Variants in EPB41 observed in about 807,000 individuals in gnomAD.
The protein encoded by EPB41 is erythrocyte membrane protein band 4.1, also known as protein 4.1.
A neutral mutation model predicts 108.0 loss-of-function variants in EPB41; 65 were observed. The observed-to-expected ratio is 0.60, with a 90% CI of 0.49 to 0.74. The LOEUF is 0.74. EPB41 is among the 30% of genes least tolerant of loss of function. The pLI, the probability that EPB41 is intolerant of heterozygous loss-of-function variation, is 0.00. For missense variants in EPB41, 875 were observed against 1,037.0 expected (o/e 0.84, Z 2.15); for synonymous variants, 336 against 358.9 (o/e 0.94, Z 0.72).
intron 12 of EPB41, 77 bp downstream of exon 12, chr1:29,053,389 C>T (rs752281272): frequency 1.6e-5 from 24 of 1,470,114 alleles, no homozygotes; most frequent in Non-Finnish European, 2.2e-5. Flanking sequence ...GGAACGTTTT[C>T]AAAGCAATTG....
At chr1:28,913,585 G>C (rs1407808283), upstream of EPB41, among the ~76,000 whole-genome samples, 3 of 152,210 alleles carry the variant, frequency 2.0e-5, no homozygotes, top group Non-Finnish European at 4.4e-5. Context: ...TGTCTAGCTG[G>C]CATCTACAGA....
chr1:28,958,830 A>AG (rs963978503), intron 1 of EPB41, among the ~76,000 whole-genome samples: 1 of 151,864 alleles, frequency 6.6e-6, no homozygotes, highest in African/African-American at 2.4e-5. Context: ...AAAAAAAAAA[A>AG]AAAAAAAAAA....
chr1:29,092,090 CTTCTTTTTTTT>C (rs1329715510), intron 16 of EPB41, among the ~76,000 whole-genome samples: 9 of 133,426 alleles, frequency 6.7e-5, no homozygotes, highest in African/African-American at 2.4e-4. Context: ...ACCTTCTTAC[CTTCTTTTTTTT>C]TTTTTTTTTT....
chr1:29,039,380 C>T lies in EPB41; in HGVS notation c.1590C>T (p.His530=), dbSNP rs758459040. 4.3e-6 allele frequency: 7 copies of T among 1,614,128 alleles called. No homozygotes were observed. Among genetic ancestry groups the T allele is most frequent in the Non-Finnish European group, 5.1e-6 (6 of 1,180,046 alleles). ...CTCTAATTGACAGGCCTGCCCCACA[C>T]TTCGAGCGTACAGCAAGTAAACGGG... ...ASALIDRPAP[H]FERTASKRAS... is the part of the protein sequence containing the mutation. The change falls in exon 11 of 21, where the codon CAC becomes CAT. Residue 530 remains histidine (H), a synonymous_variant. Coordinates refer to ENST00000343067, the MANE Select transcript of EPB41 (RefSeq NM_001376013.1).
intron 1 of EPB41, among the ~76,000 whole-genome samples, chr1:28,905,249 C>G (rs1453471765): frequency 1.3e-5 from 2 of 151,424 alleles, no homozygotes; most frequent in Non-Finnish European, 2.9e-5. Flanking sequence ...GGAATCCCAG[C>G]ACTTTGGGAG....
At chr1:28,971,239 A>G (rs1313552523) in intron 1 of EPB41, among the ~76,000 whole-genome samples, 4 of 123,106 alleles carry the variant, frequency 3.2e-5, no homozygotes, top group Non-Finnish European at 6.2e-5. Context: ...GCTGGAGTGC[A>G]GTGGCGCGAT....
intron 1 of EPB41, among the ~76,000 whole-genome samples, chr1:28,917,768 C>T (rs994949428): frequency 1.3e-5 from 2 of 150,684 alleles, no homozygotes; most frequent in Non-Finnish European, 3.0e-5. Flanking sequence ...TTTTAAAACA[C>T]GGGGTCCTGC....
intron 1 of EPB41, among the ~76,000 whole-genome samples, chr1:28,928,620 T>C (rs1202174475): frequency 6.6e-6 from 1 of 152,246 alleles, no homozygotes; most frequent in Non-Finnish European, 1.5e-5. Context: ...TAATGCCATT[T>C]GATACCTGAG....
intron 1 of EPB41, among the ~76,000 whole-genome samples, chr1:28,920,728 T>C (rs1043423416): frequency 2.0e-5 from 3 of 152,034 alleles, no homozygotes; most frequent in Non-Finnish European, 2.9e-5. Flanking sequence ...CAGCCTCAAC[T>C]TCCCAGGCTC....
intron 9 of EPB41, among the ~76,000 whole-genome samples, chr1:29,034,056 T>C (rs750484147): frequency 2.6e-5 from 4 of 152,198 alleles, no homozygotes; most frequent in Non-Finnish European, 5.9e-5. Flanking sequence ...TGGTGAATAA[T>C]GGCTAATTAT....
At chr1:28,999,847 G>A (rs1400137947) in intron 4 of EPB41, among the ~76,000 whole-genome samples, 2 of 151,874 alleles carry the variant, frequency 1.3e-5, no homozygotes, top group East Asian at 1.9e-4. Flanking sequence ...GCAGTGGTGC[G>A]ATCTTGGCTC....
At chr1:28,955,700 G>A (rs1377617037) in intron 1 of EPB41, among the ~76,000 whole-genome samples, 2 of 152,040 alleles carry the variant, frequency 1.3e-5, no homozygotes, top group East Asian at 3.9e-4. Flanking sequence ...GTATAGGTGG[G>A]AACTTGACAA....
Position 28,900,137 on chromosome 1 carries a change from G to T in EPB41, c.-8+12927G>T, listed in dbSNP as rs532220555. ...ATAAAAGAGCTCATTGAGAAGGAAG[G>T]ACTTGAGAAATGTACAGGATTGATT... On this transcript the variant is annotated intron_variant, in intron 1 of 16. Coordinates refer to the EPB41 transcript ENST00000347529. 1.2e-4 allele frequency among the ~76,000 whole-genome samples: 18 copies of T among 152,146 alleles called. No individual in the cohort carries two copies. In the East Asian group the frequency reaches 3.1e-3, roughly 26 times the overall value.
intron 9 of EPB41, among the ~76,000 whole-genome samples, chr1:29,034,970 GTTGTT>G (rs1310443656): frequency 1.8e-5 from 2 of 109,230 alleles, no homozygotes; most frequent in African/African-American, 7.2e-5. Flanking sequence ...TTGTTTGTTT[GTTGTT>G]TTTTTTTTTT....
intron 6 of EPB41, among the ~76,000 whole-genome samples, chr1:29,017,643 T>C (rs138383178): frequency 2.6e-5 from 4 of 152,350 alleles, no homozygotes; most frequent in African/African-American, 9.6e-5. Context: ...ATTTATATCC[T>C]AGTGAAAATG....
intron 17 of EPB41, among the ~76,000 whole-genome samples, chr1:29,108,613 A>G (rs1370074649): frequency 6.6e-6 from 1 of 151,672 alleles, no homozygotes; most frequent in Admixed American, 6.6e-5. Context: ...CTGGAAGTAC[A>G]GTGGCGGGAT....
At chr1:28,973,078 C>CTG (rs2095529530) in intron 1 of EPB41, among the ~76,000 whole-genome samples, 1 of 152,054 alleles carries the variant, frequency 6.6e-6, no homozygotes, top group Admixed American at 6.6e-5. Flanking sequence ...AGATACTTTC[C>CTG]TGTGGTTTTG....
At position 29,018,508 on chromosome 1, in the gene EPB41, T is replaced by A; in HGVS notation, c.1124+66T>A. ...GATTAGTTTAAACACAACATGGTATTGGTTCATTGTTTGCCTAAGAGGGAT... is the reference window on the plus strand; with the variant it reads ...GATTAGTTTAAACACAACATGGTATAGGTTCATTGTTTGCCTAAGAGGGAT... On this transcript the variant is annotated intron_variant, in intron 7 of 20. Transcript: ENST00000343067. The surrounding 1 kb of genome is among the most constrained non-coding windows in gnomAD (Gnocchi z 4.4). The A allele has an allele frequency of 6.8e-7, 1 of 1,468,430 alleles. No homozygotes were observed. The highest frequency in any genetic ancestry group is 9.5e-7 in the Non-Finnish European group (1 of 1,049,156). 91.0% of individuals were successfully genotyped at this position (1,468,430 alleles called of 1,614,324 possible).
At chr1:29,070,784 T>C in intron 16 of EPB41, 1 of 1,071,718 alleles carries the variant, frequency 9.3e-7, no homozygotes, top group South Asian at 5.0e-5. Context: ...GTATGTATTG[T>C]GGGGTACAAA....
Sources: allele counts gnomAD v4.1 joint callset (sites outside exome capture counted in the v4.1 genomes callset), GRCh38; gene constraint gnomAD v4.1.1; non-coding constraint Gnocchi (gnomAD v3.1); transcripts MANE v1.5; gene names NCBI Gene and HGNC (gene_info 2026-07-23, HGNC 2026-07-21).